THADA: variants seen among roughly 807,000 people sequenced by gnomAD.
The protein encoded by THADA is tRNA (32-2'-O)-methyltransferase regulator THADA.
In THADA, 213 loss-of-function variants were observed where a neutral mutation model predicts 219.8. That is an observed-to-expected ratio of 0.97 (90% CI 0.87 to 1.09). The LOEUF is 1.09. Among genes scored for constraint, THADA ranks in the 50% least tolerant of loss-of-function variants. The probability of loss-of-function intolerance (pLI) is 0.00; values close to 1 mark genes in which losing one functional copy is unlikely to be tolerated. For missense variants in THADA, 2,956 were observed against 2,311.3 expected, an observed-to-expected ratio of 1.28 and a Z score of -5.72; for synonymous variants, 1,018 against 828.9, an observed-to-expected ratio of 1.23 and a Z score of -3.92.
chr2:43,315,181 C>T (rs962539398), intron 31 of THADA, among the ~76,000 whole-genome samples: 2 of 152,100 alleles, frequency 1.3e-5, no homozygotes, highest in Admixed American at 6.6e-5. Flanking sequence ...ATAATCAATC[C>T]CTTTCAAGAT....
intron 16 of THADA, among the ~76,000 whole-genome samples, chr2:43,559,496 G>A (rs1186901894): frequency 6.6e-6 from 1 of 152,118 alleles, no homozygotes; most frequent in East Asian, 1.9e-4. Flanking sequence ...GGCCTTTATA[G>A]AGCTCTAATA....
At chr2:43,415,898 C>G (rs35071299) in intron 28 of THADA, among the ~76,000 whole-genome samples, 30,585 of 151,962 alleles carry the variant, frequency 0.2, 3,184 homozygotes, top group South Asian at 0.31. Context: ...TCTAGTCAAG[C>G]TTTTCTTAAG....
At position 43,297,948 on chromosome 2, in the gene THADA, G is replaced by A. The variant is rs1422120653; in HGVS notation, c.4439-4735C>T. 8.7e-5 allele frequency among the ~76,000 whole-genome samples: 9 copies of A among 103,044 alleles called. 2 individuals carry two copies. Among genetic ancestry groups the A allele is most frequent in the South Asian group, 6.5e-4 (2 of 3,090 alleles). 67.6% of individuals were successfully genotyped at this position (103,044 alleles called of 152,430 possible). On this transcript the variant is annotated intron_variant, in intron 31 of 37. Transcript: ENST00000405975. ...CGGCCAGCCGCCATCCGGGAGGGAG[G>A]TGGGGGGGTCAGCCCCCCGCCCGGC...
chr2:43,285,664 A>G (rs1031011205), intron 35 of THADA, among the ~76,000 whole-genome samples: 1 of 151,834 alleles, frequency 6.6e-6, no homozygotes, highest in African/African-American at 2.4e-5. Flanking sequence ...CCCGGGTTCA[A>G]GCAATTCTCC....
intron 22 of THADA, among the ~76,000 whole-genome samples, chr2:43,512,889 C>T (rs762664572): frequency 6.6e-6 from 1 of 152,224 alleles, no homozygotes; most frequent in Admixed American, 6.5e-5. Context: ...GTCTATTACA[C>T]GTCTGGTACG....
intron 30 of THADA, among the ~76,000 whole-genome samples, chr2:43,331,624 G>C (rs1665777914): frequency 6.6e-6 from 1 of 152,018 alleles, no homozygotes; most frequent in Non-Finnish European, 1.5e-5. Context: ...TCTCCTCACT[G>C]GCCCATGATA....
At chr2:43,273,484 G>A (rs1434167626) in intron 36 of THADA, among the ~76,000 whole-genome samples, 1 of 152,142 alleles carries the variant, frequency 6.6e-6, no homozygotes, top group Non-Finnish European at 1.5e-5. Flanking sequence ...AGCAGAAAGG[G>A]CACTTTGAAG....
At position 43,397,529 on chromosome 2, in the gene THADA, T is replaced by C. The variant is rs13386130; in HGVS notation, c.4227+442A>G. ...GGAAAGGTTCAATACTTCCACGTAC[T>C]AAGGTGCTGTGCCACAGGGCAAACT... On this transcript the variant is annotated intron_variant, in intron 29 of 37. Coordinates refer to ENST00000405975, the MANE Select transcript of THADA (RefSeq NM_022065.5). Among the ~76,000 whole-genome samples the C allele has an allele frequency of 6.9e-3, 1,046 of 152,246 alleles. 17 individuals are homozygous for C. The highest frequency in any genetic ancestry group is 0.024 in the African/African-American group (1,009 of 41,512).
intron 20 of THADA, among the ~76,000 whole-genome samples, chr2:43,546,456 T>C (rs1435039141): frequency 1.3e-5 from 2 of 152,218 alleles, no homozygotes; most frequent in South Asian, 2.1e-4. Context: ...ATCTGTCTAA[T>C]GTTGACGGTG....
At chr2:43,485,551 T>C (rs1449732308) in intron 25 of THADA, among the ~76,000 whole-genome samples, 2 of 152,156 alleles carry the variant, frequency 1.3e-5, no homozygotes, top group East Asian at 1.9e-4. Context: ...AACACAGCCT[T>C]TTCCTATATT....
At chr2:43,503,782 C>G (rs924224394) in intron 24 of THADA, among the ~76,000 whole-genome samples, 2 of 152,000 alleles carry the variant, frequency 1.3e-5, no homozygotes, top group African/African-American at 4.8e-5. Context: ...TTAAATCTCA[C>G]CAATTTCATA....
Position 43,320,447 on chromosome 2 carries a change from T to C in THADA, c.4437A>G (p.Pro1479=), listed in dbSNP as rs1678570208. 1 of 1,610,092 alleles carries C rather than the reference T, an allele frequency of 6.2e-7. No individual in the cohort carries two copies. Among genetic ancestry groups the C allele is most frequent in the Non-Finnish European group, 8.5e-7 (1 of 1,177,084 alleles). Residue 1479 remains proline (P), a splice_region_variant and synonymous_variant, in exon 31 of 38, where the codon CCA becomes CCG. Transcript: ENST00000405975. ...CLNRSAKDNQ[P]VLESLGFWEE... ...ATACAGTATAACTATGAATCATACCTGGCTGGTTGTCCTTTGCAGATCTGT... is the reference window on the plus strand; with the variant it reads ...ATACAGTATAACTATGAATCATACCCGGCTGGTTGTCCTTTGCAGATCTGT...
At position 43,535,168 on chromosome 2, in the gene THADA, C is replaced by CTTTT. The variant is rs549879408; in HGVS notation, c.3264+5987_3264+5990dup. ...GAAATGTCTGTTCAGATCATTTGTCCTTTTTTTTTTTTTTTTTTTTTTTTT... is the reference window on the plus strand; with the variant it reads ...GAAATGTCTGTTCAGATCATTTGTCCTTTTTTTTTTTTTTTTTTTTTTTTTTTTT... On this transcript the variant is annotated intron_variant, in intron 21 of 37. Transcript: ENST00000405975. 1.4e-3 allele frequency among the ~76,000 whole-genome samples: 75 copies of CTTTT among 52,536 alleles called. 2 individuals are homozygous for CTTTT. Among genetic ancestry groups the CTTTT allele is most frequent in the African/African-American group, 3.2e-3 (36 of 11,212 alleles). 34.5% of individuals were successfully genotyped at this position (52,536 alleles called of 152,430 possible). A position where few individuals can be genotyped will look rare whatever the true frequency, so the allele number is the denominator to read the frequency against.
chr2:43,410,248 T>C (rs1054165986), intron 28 of THADA, among the ~76,000 whole-genome samples: 2 of 152,132 alleles, frequency 1.3e-5, no homozygotes, highest in African/African-American at 4.8e-5. Context: ...GCATACCAAG[T>C]GTTGGCTAGG....
chr2:43,479,953 G>A (rs531678131), intron 26 of THADA, among the ~76,000 whole-genome samples: 1 of 152,340 alleles, frequency 6.6e-6, no homozygotes, highest in Non-Finnish European at 1.5e-5. Flanking sequence ...AACCTACTAT[G>A]TGGGAGATTT....
chr2:43,566,824 T>TA lies in THADA; in HGVS notation c.2188-4dup, dbSNP rs34512555. On this transcript the variant is annotated splice_region_variant and splice_polypyrimidine_tract_variant and intron_variant, in intron 14 of 37. Coordinates refer to ENST00000405975, the MANE Select transcript of THADA (RefSeq NM_022065.5). The stretch of plus-strand genomic sequence containing the variant: ...TTACAAATGGATGACATGAAATTCT[T>TA]AAAAAAAAAAAAAAAATTACAGTAA... The TA allele has an allele frequency of 0.13, 142,105 of 1,121,564 alleles. 59 individuals carry two copies. Among genetic ancestry groups the TA allele is most frequent in the South Asian group, 0.13 (5,995 of 45,028 alleles). 69.5% of individuals were successfully genotyped at this position (1,121,564 alleles called of 1,614,324 possible).
At chr2:43,470,465 A>G (rs1684781264) in intron 26 of THADA, among the ~76,000 whole-genome samples, 1 of 152,168 alleles carries the variant, frequency 6.6e-6, no homozygotes, top group Non-Finnish European at 1.5e-5. Context: ...TGTCCATTAT[A>G]AGGAATGTTA....
Position 43,279,833 on chromosome 2 carries a change from G to C in THADA, c.5228C>G (p.Ala1743Gly). ...VLTLLQSEEQ[A>G]VRDAATETVT... is the part of the protein sequence containing the mutation. ...GGTTTCCGTGGCTGCATCTCTAACA[G>C]CTTGCTCCTCACTCTGCAGAAGGGT... The change falls in exon 36 of 38, where the codon GCT (alanine) becomes GGT (glycine). Residue 1743 changes from alanine (A) to glycine (G), a missense_variant. By Grantham distance (60) the Ala-to-Gly change is moderately conservative. Transcript: ENST00000405975. 1 of 1,563,838 alleles carries C rather than the reference G, an allele frequency of 6.4e-7. No individual in the cohort carries two copies. Among genetic ancestry groups the C allele is most frequent in the Non-Finnish European group, 8.7e-7 (1 of 1,153,976 alleles).
chr2:43,543,662 A>C (rs1400605153), intron 20 of THADA, among the ~76,000 whole-genome samples: 1 of 152,228 alleles, frequency 6.6e-6, no homozygotes, highest in African/African-American at 2.4e-5. Context: ...TTCTGGCTGC[A>C]TAAATGTCTT....
Sources: gnomAD v4.1 joint callset for allele counts (sites outside exome capture counted in the v4.1 genomes callset) on GRCh38, gnomAD v4.1.1 for gene constraint, MANE v1.5 for transcripts, NCBI Gene and HGNC (gene_info 2026-07-23, HGNC 2026-07-21) for gene names.